The following NLRP5 variants were observed in gnomAD, a reference collection of about 807,000 sequenced individuals.
NLRP5 encodes the protein NLR family pyrin domain containing 5, also known as NACHT, LRR and PYD domains-containing protein 5.
Under a neutral mutation model 113.1 loss-of-function variants are expected in NLRP5, and 93 were observed. That is an observed-to-expected ratio of 0.82 (90% CI 0.70 to 0.98). The LOEUF is 0.98. Ranked by LOEUF, NLRP5 falls within the 50% of genes least tolerant of loss-of-function variation. The probability of loss-of-function intolerance (pLI) is 0.00; values close to 1 mark genes in which losing one functional copy is unlikely to be tolerated. For missense variants in NLRP5, 1,808 were observed against 1,514.3 expected, an observed-to-expected ratio of 1.19 and a Z score of -3.22; for synonymous variants, 751 against 600.7, an observed-to-expected ratio of 1.25 and a Z score of -3.66.
chr19:56,047,661 A>G (rs1236405427), intron 11 of NLRP5, among the ~76,000 whole-genome samples: 1 of 152,138 alleles, frequency 6.6e-6, no homozygotes, highest in Non-Finnish European at 1.5e-5. Context: ...TCTATCTTGG[A>G]GAAGGTTCCA....
intron 12 of NLRP5, among the ~76,000 whole-genome samples, chr19:56,051,813 G>T (rs957363904): frequency 3.9e-5 from 6 of 152,082 alleles, no homozygotes; most frequent in African/African-American, 1.4e-4. Context: ...TTGTATGCTT[G>T]GTAGCATTTG....
At chr19:55,997,237 TTGA>T (rs940076059), upstream of NLRP5, among the ~76,000 whole-genome samples, 10 of 152,198 alleles carry the variant, frequency 6.6e-5, no homozygotes, top group African/African-American at 2.4e-4. Context: ...TCTGCATGTC[TTGA>T]TGATCGTGTG....
chr19:56,050,587 G>C lies in NLRP5; in HGVS notation c.3127G>C (p.Glu1043Gln). 1.2e-6 allele frequency: 2 copies of C among 1,613,262 alleles called. No homozygotes were observed. The highest frequency in any genetic ancestry group is 1.7e-4 in the Middle Eastern group (1 of 6,058). Residue 1043 changes from glutamate (E) to glutamine (Q), a missense_variant and splice_region_variant, in exon 12 of 15, where the codon GAG becomes CAG. Glu to Gln is a conservative substitution (Grantham distance 29). Transcript: ENST00000390649. ...ACCATCTTGTCATCTCCAGGACCTG[G>C]AGTGAGTTTCCCATGGGCGTTGGGT...
chr19:56,028,924 C>T (rs946261601), intron 7 of NLRP5, among the ~76,000 whole-genome samples: 2 of 152,064 alleles, frequency 1.3e-5, no homozygotes, highest in African/African-American at 4.8e-5. Flanking sequence ...ACCACCATGC[C>T]CAGCTAGTTT....
chr19:56,042,761 C>G (rs1263740439), intron 11 of NLRP5, among the ~76,000 whole-genome samples: 1 of 152,212 alleles, frequency 6.6e-6, no homozygotes, highest in Non-Finnish European at 1.5e-5. Context: ...TCCCATTCTT[C>G]CCCCAAAATC....
chr19:56,034,741 C>T (rs753433458), intron 9 of NLRP5, among the ~76,000 whole-genome samples: 9 of 152,200 alleles, frequency 5.9e-5, no homozygotes, highest in South Asian at 2.1e-4. Context: ...GTGTTACACA[C>T]TTTCTTCCTT....
At position 56,019,362 on chromosome 19, in the gene NLRP5, C is replaced by A. The variant is rs1003142647; in HGVS notation, c.586C>A (p.Gln196Lys). Residue 196 changes from glutamine to lysine, a missense_variant, in exon 5 of 15, where the codon CAA (glutamine) becomes AAA (lysine). Physicochemically the swap from Gln to Lys is moderately conservative, Grantham distance 53. Transcript: ENST00000390649. ...TGCAGAAATTTCACAAGCTATGGAA[C>A]AAGAAGGTGCCACAGCAGCAGAGAC... is the stretch of plus-strand genomic sequence containing the variant. The A allele has an allele frequency of 1.9e-6, 3 of 1,613,794 alleles. No homozygotes were observed. The highest frequency in any genetic ancestry group is 1.7e-5 in the Admixed American group (1 of 59,984).
chr19:55,988,092 G>GTA, the NLRP5 span: 1 of 561,844 alleles, frequency 1.8e-6, no homozygotes, highest in South Asian at 1.9e-5. Flanking sequence ...TGCCCTGTGT[G>GTA]TATTAATATG....
chr19:56,035,772 T>C (rs1284131147), intron 9 of NLRP5, among the ~76,000 whole-genome samples: 2 of 152,136 alleles, frequency 1.3e-5, no homozygotes, highest in African/African-American at 4.8e-5. Context: ...CCAAAGTACT[T>C]ATTGGATAGA....
chr19:56,046,716 T>TG (rs1279325989), intron 11 of NLRP5, among the ~76,000 whole-genome samples: 5 of 152,156 alleles, frequency 3.3e-5, no homozygotes, highest in African/African-American at 1.2e-4. Flanking sequence ...AATTTTTTTT[T>TG]TGTATTTTTA....
At chr19:56,001,258 G>A (rs559866832) in intron 1 of NLRP5, among the ~76,000 whole-genome samples, 2 of 147,616 alleles carry the variant, frequency 1.4e-5, no homozygotes, top group Non-Finnish European at 3.0e-5. Context: ...CCAGGAGTTC[G>A]AGGCTGCAGT....
chr19:55,994,126 A>G, the NLRP5 span, among the ~76,000 whole-genome samples: 1 of 152,078 alleles, frequency 6.6e-6, no homozygotes, highest in Admixed American at 6.6e-5. Context: ...CCTTGCCAGC[A>G]TTTATTTTTC....
intron 2 of NLRP5, among the ~76,000 whole-genome samples, chr19:56,005,105 AAAATATAT>A (rs1981807122): frequency 8.1e-6 from 1 of 123,986 alleles, no homozygotes; most frequent in Non-Finnish European, 1.7e-5. Flanking sequence ...AAAAAAAAAA[AAAATATAT>A]ATATATATAT....
At chr19:56,017,085 A>G (rs770106584) in intron 4 of NLRP5, among the ~76,000 whole-genome samples, 8 of 152,024 alleles carry the variant, frequency 5.3e-5, no homozygotes, top group Non-Finnish European at 1.2e-4. Context: ...GGGATTACAG[A>G]CGTGAGCCAC....
At chr19:56,057,855 G>A (rs990186131) in intron 13 of NLRP5, among the ~76,000 whole-genome samples, 2 of 151,924 alleles carry the variant, frequency 1.3e-5, no homozygotes, top group Admixed American at 1.3e-4. Context: ...ATGAAACTCT[G>A]TTTCTACTAA....
In NLRP5 at chr19:56,061,738, C is replaced by A. The variant is rs556094240; in HGVS notation, c.*210C>A. 7.3e-6 allele frequency: 4 copies of A among 548,502 alleles called. No homozygotes were observed. The Admixed American group carries it at 9.9e-5, about 14-fold the overall frequency. 34.0% of individuals were successfully genotyped at this position (548,502 alleles called of 1,614,324 possible). A position where few individuals can be genotyped will look rare whatever the true frequency, so the allele number is the denominator to read the frequency against. On this transcript the variant is annotated 3_prime_UTR_variant, in exon 15 of 15. Coordinates refer to ENST00000390649, the MANE Select transcript of NLRP5 (RefSeq NM_153447.4). ...CTAGAGACCTTCAAGTCATAGGACT[C>A]AGTATCTGTGAAATGTCCGTCATAT...
At chr19:56,051,912 T>C (rs1394213630) in intron 12 of NLRP5, among the ~76,000 whole-genome samples, 1 of 152,232 alleles carries the variant, frequency 6.6e-6, no homozygotes, top group African/African-American at 2.4e-5. Flanking sequence ...TAAAGGACTT[T>C]GGTATGGATT....
intron 11 of NLRP5, among the ~76,000 whole-genome samples, chr19:56,041,413 G>A (rs1426362401): frequency 6.6e-6 from 1 of 152,104 alleles, no homozygotes; most frequent in Non-Finnish European, 1.5e-5. Flanking sequence ...GAGGTACAGG[G>A]TTAGCTTCCT....
intron 14 of NLRP5, 126 bp downstream of exon 14, chr19:56,058,536 G>A (rs111764032): frequency 2.8e-5 from 22 of 776,994 alleles, no homozygotes; most frequent in African/African-American, 2.4e-4. Flanking sequence ...TACTCCATTG[G>A]TGAGTGCCCA....
Sources: gnomAD v4.1 joint callset for allele counts (sites outside exome capture counted in the v4.1 genomes callset) on GRCh38, gnomAD v4.1.1 for gene constraint, MANE v1.5 for transcripts, NCBI Gene and HGNC (gene_info 2026-07-23, HGNC 2026-07-21) for gene names.